Variants in TRAK1 observed in about 807,000 individuals in gnomAD.
The protein encoded by TRAK1 is trafficking kinesin protein 1.
A neutral mutation model predicts 92.1 loss-of-function variants in TRAK1; 33 were observed. The ratio of observed to expected loss-of-function variants is 0.36; its 90% CI spans 0.27 to 0.48. The LOEUF is 0.48. Ranked by LOEUF, TRAK1 falls within the 20% of genes least tolerant of loss-of-function variation. TRAK1 has a pLI of 0.99. For missense variants in TRAK1, 1,123 were observed against 1,257.9 expected, an observed-to-expected ratio of 0.89 and a Z score of 1.62; for synonymous variants, 521 against 517.3, an observed-to-expected ratio of 1.01 and a Z score of -0.10.
intron 1 of TRAK1, among the ~76,000 whole-genome samples, chr3:42,054,955 C>CT (rs1405148334): frequency 9.3e-6 from 1 of 107,030 alleles, no homozygotes; most frequent in East Asian, 3.2e-4. Context: ...GAGTCTCACT[C>CT]TGTCACCCAG....
At chr3:42,155,184 A>G (rs1247079311) in intron 2 of TRAK1, among the ~76,000 whole-genome samples, 1 of 152,076 alleles carries the variant, frequency 6.6e-6, no homozygotes, top group African/African-American at 2.4e-5. Flanking sequence ...GGTGAGACAA[A>G]GGAAAACGGG....
At chr3:42,060,644 T>G (rs968301545) in intron 1 of TRAK1, among the ~76,000 whole-genome samples, 20 of 142,076 alleles carry the variant, frequency 1.4e-4, no homozygotes, top group Non-Finnish European at 2.5e-4. Context: ...TTTTTTTTTT[T>G]GAGACGGAGT....
intron 1 of TRAK1, among the ~76,000 whole-genome samples, chr3:42,065,771 A>G (rs1230040977): frequency 1.3e-5 from 2 of 152,020 alleles, no homozygotes; most frequent in African/African-American, 4.8e-5. Context: ...CTGGGACTAT[A>G]GGCGTGTACC....
chr3:42,201,560 G>A (rs182126990), intron 12 of TRAK1, among the ~76,000 whole-genome samples: 1 of 152,182 alleles, frequency 6.6e-6, no homozygotes, highest in African/African-American at 2.4e-5. Context: ...GCTTAAAGAT[G>A]TATAACAAGA....
intron 1 of TRAK1, among the ~76,000 whole-genome samples, chr3:42,124,909 C>T (rs928275405): frequency 6.6e-6 from 1 of 152,014 alleles, no homozygotes; most frequent in African/African-American, 2.4e-5. Context: ...CTCCTTTGCC[C>T]GTGGTACTCA....
At chr3:42,086,311 C>CTTTCTTTT (rs1553711095), upstream of TRAK1, among the ~76,000 whole-genome samples, 9,516 of 140,310 alleles carry the variant, frequency 0.068, 396 homozygotes, top group Non-Finnish European at 0.091. Flanking sequence ...CTTTTTCTTT[C>CTTTCTTTT]TTTTTTTTTT....
At chr3:42,200,678 G>A in intron 11 of TRAK1, 140 bp from the exon 12 acceptor site, 1 of 774,418 alleles carries the variant, frequency 1.3e-6, no homozygotes, top group South Asian at 1.7e-5. Flanking sequence ...AGAAACAGGT[G>A]GCAGGCACAG....
intron 1 of TRAK1, among the ~76,000 whole-genome samples, chr3:42,059,051 A>T (rs779166480): frequency 6.6e-6 from 1 of 152,166 alleles, no homozygotes; most frequent in Non-Finnish European, 1.5e-5. Context: ...TATACACACA[A>T]ATATACATAC....
At chr3:42,108,595 A>T (rs148744680) in intron 1 of TRAK1, among the ~76,000 whole-genome samples, 1 of 152,028 alleles carries the variant, frequency 6.6e-6, no homozygotes, top group African/African-American at 2.4e-5. Flanking sequence ...TTTGCATAGC[A>T]TGATGGGTAA....
At chr3:42,109,929 A>G (rs1173905373) in intron 1 of TRAK1, among the ~76,000 whole-genome samples, 3 of 151,356 alleles carry the variant, frequency 2.0e-5, no homozygotes, top group African/African-American at 4.9e-5. Flanking sequence ...AGGATGGGGA[A>G]CATCACACAC....
At chr3:42,134,279 T>TTTACC (rs1189903014) in intron 2 of TRAK1, among the ~76,000 whole-genome samples, 44 of 146,426 alleles carry the variant, frequency 3.0e-4, no homozygotes, top group African/African-American at 9.2e-4. Context: ...TTCCTTTCCT[T>TTTACC]TTACCTTACC....
At chr3:42,104,139 T>G (rs894531105) in intron 1 of TRAK1, among the ~76,000 whole-genome samples, 3 of 152,152 alleles carry the variant, frequency 2.0e-5, no homozygotes, top group African/African-American at 7.2e-5. Flanking sequence ...CCACCATTGC[T>G]GAAGCTTGAG....
At chr3:42,102,343 T>C (rs1342043780) in intron 1 of TRAK1, among the ~76,000 whole-genome samples, 1 of 152,266 alleles carries the variant, frequency 6.6e-6, no homozygotes, top group African/African-American at 2.4e-5. Context: ...TTAAAGGTAT[T>C]AGAAGCTTCT....
chr3:42,176,587 G>A (rs1703243755), intron 2 of TRAK1, among the ~76,000 whole-genome samples: 1 of 152,128 alleles, frequency 6.6e-6, no homozygotes, highest in African/African-American at 2.4e-5. Flanking sequence ...CAATGTCAAG[G>A]TTTCACAGGG....
chr3:42,196,943 C>T (rs1041495330), intron 10 of TRAK1, among the ~76,000 whole-genome samples: 2 of 151,392 alleles, frequency 1.3e-5, no homozygotes, highest in Admixed American at 6.6e-5. Flanking sequence ...GAACTAATTT[C>T]TCTCTCCTTT....
chr3:42,204,879 G>C (rs1236213163), intron 13 of TRAK1, among the ~76,000 whole-genome samples: 1 of 152,102 alleles, frequency 6.6e-6, no homozygotes, highest in Non-Finnish European at 1.5e-5. Flanking sequence ...ACCACACCTG[G>C]CTCAGACTTC....
chr3:42,024,862 G>A (rs1203687946), intron 1 of TRAK1, among the ~76,000 whole-genome samples: 2 of 152,196 alleles, frequency 1.3e-5, no homozygotes, highest in Admixed American at 6.5e-5. Flanking sequence ...CTGTCAGGAT[G>A]TGTTGCCCTG....
chr3:42,094,135 C>T (rs1705545723), intron 1 of TRAK1, among the ~76,000 whole-genome samples: 2 of 152,250 alleles, frequency 1.3e-5, no homozygotes, highest in South Asian at 2.1e-4. Flanking sequence ...GTATGGGCCT[C>T]GGCACCTTCC....
chr3:42,094,713 T>C (rs1425547393), intron 1 of TRAK1, among the ~76,000 whole-genome samples: 2 of 152,208 alleles, frequency 1.3e-5, no homozygotes, highest in Non-Finnish European at 2.9e-5. Context: ...AATATAATGT[T>C]ATAAATCCTG....
Sources: allele counts gnomAD v4.1 joint callset (sites outside exome capture counted in the v4.1 genomes callset), GRCh38; gene constraint gnomAD v4.1.1; transcripts MANE v1.5; gene names NCBI Gene and HGNC (gene_info 2026-07-23, HGNC 2026-07-21).